The following CA10 variants were observed in gnomAD, a reference collection of about 807,000 sequenced individuals.
CA10 encodes the protein carbonic anhydrase 10 (inactive).
CA10 carries 14 observed loss-of-function variants against 44.2 expected under a neutral mutation model. The ratio of observed to expected loss-of-function variants is 0.32; its 90% CI spans 0.21 to 0.50. The LOEUF (loss-of-function observed/expected upper bound fraction) is 0.50, where lower values mean the gene tolerates loss of function less well. Ranked by LOEUF, CA10 falls within the 20% of genes least tolerant of loss-of-function variation. The pLI is 0.99. For missense variants in CA10, 350 were observed against 409.7 expected, an observed-to-expected ratio of 0.85 and a Z score of 1.26; for synonymous variants, 159 against 141.6, an observed-to-expected ratio of 1.12 and a Z score of -0.87.
intron 2 of CA10, among the ~76,000 whole-genome samples, chr17:52,051,603 A>C (rs1598187835): frequency 6.6e-6 from 1 of 152,020 alleles, no homozygotes; most frequent in Admixed American, 6.6e-5. Flanking sequence ...TCTCACACCA[A>C]TCAGAATGGC....
chr17:52,046,290 A>G (rs915107167), intron 2 of CA10, among the ~76,000 whole-genome samples: 1 of 145,454 alleles, frequency 6.9e-6, no homozygotes, highest in Admixed American at 7.2e-5. Context: ...GAAATTGACA[A>G]AATTGGTAAG....
chr17:51,740,017 T>A (rs1283725207), intron 4 of CA10, among the ~76,000 whole-genome samples: 1 of 152,074 alleles, frequency 6.6e-6, no homozygotes. Flanking sequence ...CTTGTATTTG[T>A]GAATAATTTA....
At chr17:51,987,505 G>A (rs1033591855) in intron 2 of CA10, among the ~76,000 whole-genome samples, 8 of 151,762 alleles carry the variant, frequency 5.3e-5, no homozygotes, top group African/African-American at 1.7e-4. Context: ...AACACCACCT[G>A]TTCCCCAATA....
chr17:51,737,337 A>T (rs531606930), intron 4 of CA10, among the ~76,000 whole-genome samples: 2 of 152,258 alleles, frequency 1.3e-5, no homozygotes, highest in South Asian at 4.1e-4. Flanking sequence ...AATAAATTAC[A>T]GCTGATGGTA....
intron 4 of CA10, among the ~76,000 whole-genome samples, chr17:51,725,450 T>C (rs1160649421): frequency 2.6e-5 from 4 of 152,198 alleles, no homozygotes; most frequent in African/African-American, 9.7e-5. Context: ...GTACCACTAG[T>C]GGCCCAGCAT....
intron 3 of CA10, among the ~76,000 whole-genome samples, chr17:51,784,340 A>G (rs1263902): frequency 0.99 from 150,552 of 152,328 alleles, 74,399 homozygotes; most frequent in East Asian, 1. Context: ...TTAGCCTCTG[A>G]AAGGTGTGAG....
chr17:51,991,795 G>T (rs1567911659), intron 2 of CA10, among the ~76,000 whole-genome samples: 1 of 152,086 alleles, frequency 6.6e-6, no homozygotes, highest in Non-Finnish European at 1.5e-5. Context: ...GGCAACAAGA[G>T]CGAAACTCCA....
intron 2 of CA10, among the ~76,000 whole-genome samples, chr17:51,947,742 C>G (rs1598133730): frequency 6.6e-6 from 1 of 152,036 alleles, no homozygotes; most frequent in Admixed American, 6.6e-5. Flanking sequence ...CTTAGCACAC[C>G]TTGACAATCC....
At chr17:52,048,208 A>G (rs1035732505) in intron 2 of CA10, among the ~76,000 whole-genome samples, 5 of 152,002 alleles carry the variant, frequency 3.3e-5, no homozygotes, top group Non-Finnish European at 5.9e-5. Context: ...GTTTTAGTAT[A>G]TATTTCAGGA....
At chr17:51,711,844 G>C (rs1004647684) in intron 4 of CA10, among the ~76,000 whole-genome samples, 6 of 152,252 alleles carry the variant, frequency 3.9e-5, no homozygotes, top group African/African-American at 9.6e-5. Context: ...CTGGGGGTGA[G>C]GTGGGAATGT....
chr17:52,135,991 T>C (rs1430380171), intron 1 of CA10, among the ~76,000 whole-genome samples: 1 of 152,184 alleles, frequency 6.6e-6, no homozygotes, highest in African/African-American at 2.4e-5. Context: ...TTTCCTCCAA[T>C]AAGCTCTCCA....
rs925604420 is a variant in CA10 at position 52,101,138 on chromosome 17, A to G, written c.62-28745T>C. Among the ~76,000 whole-genome samples the G allele has an allele frequency of 2.0e-5, 3 of 152,296 alleles. No individual in the cohort carries two copies. The East Asian group carries it at 5.8e-4, about 29-fold the overall frequency. On this transcript the variant is annotated intron_variant, in intron 1 of 8. Transcript: ENST00000451037. ...CCCTGCTGGCAGGATTTTTTTGGGT[A>G]CATGTTGATGGCCTCCAGTAATGAG...
intron 6 of CA10, among the ~76,000 whole-genome samples, chr17:51,640,409 G>T (rs1033164410): frequency 6.6e-6 from 1 of 152,118 alleles, no homozygotes; most frequent in Non-Finnish European, 1.5e-5. Flanking sequence ...GGGTGAGATT[G>T]CCTGCCCTGT....
intron 1 of CA10, among the ~76,000 whole-genome samples, chr17:52,105,235 A>G (rs1598217033): frequency 6.9e-6 from 1 of 145,184 alleles, no homozygotes; most frequent in Non-Finnish European, 1.5e-5. Flanking sequence ...AATCAGACCC[A>G]GGTTCAAATC....
intron 3 of CA10, among the ~76,000 whole-genome samples, chr17:51,849,595 T>C (rs1212103080): frequency 6.6e-6 from 1 of 152,150 alleles, no homozygotes; most frequent in African/African-American, 2.4e-5. Flanking sequence ...TTTCCTTTAA[T>C]AAGGTCAATA....
At chr17:51,935,960 T>C (rs1193500196) in intron 2 of CA10, among the ~76,000 whole-genome samples, 2 of 152,270 alleles carry the variant, frequency 1.3e-5, no homozygotes, top group South Asian at 2.1e-4. Context: ...CGAAGTTAGA[T>C]TGTGCTTTTA....
chr17:52,060,641 T>C (rs1031960240), intron 2 of CA10, among the ~76,000 whole-genome samples: 1 of 152,096 alleles, frequency 6.6e-6, no homozygotes, highest in African/African-American at 2.4e-5. Flanking sequence ...TGCTAGATCA[T>C]GTCTAGAGAG....
At chr17:51,918,328 T>G (rs977697633) in intron 3 of CA10, among the ~76,000 whole-genome samples, 2 of 152,220 alleles carry the variant, frequency 1.3e-5, no homozygotes, top group Admixed American at 1.3e-4. Flanking sequence ...AGTTTCTGAA[T>G]ATTTCAGAGG....
intron 1 of CA10, among the ~76,000 whole-genome samples, chr17:52,116,573 G>T (rs1306999721): frequency 1.3e-5 from 2 of 152,146 alleles, no homozygotes; most frequent in Non-Finnish European, 2.9e-5. Context: ...GGAATAAAAA[G>T]ATGGAAGAAG....
Sources: allele counts gnomAD v4.1 joint callset (sites outside exome capture counted in the v4.1 genomes callset), GRCh38; gene constraint gnomAD v4.1.1; transcripts MANE v1.5; gene names NCBI Gene and HGNC (gene_info 2026-07-23, HGNC 2026-07-21).